The following WDR4 variants were observed in gnomAD, a reference collection of about 807,000 sequenced individuals.
WDR4 encodes the protein tRNA (guanine-N(7)-)-methyltransferase non-catalytic subunit WDR4.
In WDR4, 47 loss-of-function variants were observed where a neutral mutation model predicts 48.6. The observed-to-expected ratio is 0.97, with a 90% CI of 0.77 to 1.23. The LOEUF is 1.23. Among genes scored for constraint, WDR4 ranks in the 50% most tolerant of loss-of-function variants. The pLI, the probability that WDR4 is intolerant of heterozygous loss-of-function variation, is 0.00. For missense variants in WDR4, 606 were observed against 551.6 expected, an observed-to-expected ratio of 1.10 and a Z score of -0.99; for synonymous variants, 268 against 230.0, an observed-to-expected ratio of 1.17 and a Z score of -1.49.
At chr21:42,848,690 G>A (rs1426078160), downstream of WDR4, among the ~76,000 whole-genome samples, 17 of 102,718 alleles carry the variant, frequency 1.7e-4, no homozygotes, top group East Asian at 5.1e-3. Flanking sequence ...CACAGCGCAC[G>A]ATCACGCGGC....
chr21:42,850,311 C>T, intron 10 of WDR4, 69 bp from the exon 11 acceptor site: 1 of 1,429,084 alleles, frequency 7.0e-7, no homozygotes, highest in Non-Finnish European at 9.4e-7. Flanking sequence ...CACAGCGGGC[C>T]CCCTGCAGCA....
intron 1 of WDR4, among the ~76,000 whole-genome samples, chr21:42,877,103 C>T (rs1048699352): frequency 9.7e-5 from 13 of 133,500 alleles, no homozygotes; most frequent in African/African-American, 2.3e-4. Flanking sequence ...TGAGCCACTG[C>T]GCCTGGCCCA....
downstream of WDR4, among the ~76,000 whole-genome samples, chr21:42,847,005 T>C (rs2057716423): frequency 6.6e-6 from 1 of 150,534 alleles, no homozygotes; most frequent in African/African-American, 2.5e-5. Flanking sequence ...GCCACCGCAC[T>C]CCAGCCTGGG....
intron 3 of WDR4, among the ~76,000 whole-genome samples, chr21:42,869,009 C>CGGGGTGG (rs374464595): frequency 9.9e-5 from 15 of 152,074 alleles, no homozygotes; most frequent in African/African-American, 3.4e-4. Flanking sequence ...ACTGCCCTGG[C>CGGGGTGG]GGGGGGGAAC....
At chr21:42,879,039 G>A (rs1257298117) in intron 1 of WDR4, 1 of 1,061,498 alleles carries the variant, frequency 9.4e-7, no homozygotes, top group African/African-American at 1.7e-5. Context: ...GAGCGTGTTC[G>A]GCCGGGCCTT....
chr21:42,856,528 C>T (rs552786297), intron 6 of WDR4, among the ~76,000 whole-genome samples: 1 of 152,002 alleles, frequency 6.6e-6, no homozygotes, highest in African/African-American at 2.4e-5. Flanking sequence ...CCTCAGCCTC[C>T]GAGTAGCTGG....
rs377558941 is a variant in WDR4 at position 42,853,756 on chromosome 21, G to A, written c.792-4C>T. On this transcript the variant is annotated splice_polypyrimidine_tract_variant and splice_region_variant and intron_variant, in intron 8 of 10. Coordinates refer to ENST00000398208, the MANE Select transcript of WDR4 (RefSeq NM_018669.6). Reference sequence around the variant, plus strand: ...GAAGATGTAGACCACAGGAGTGCTTGCCACGAAGAAAGAGAGCATGATTAC... The same window carrying A: ...GAAGATGTAGACCACAGGAGTGCTTACCACGAAGAAAGAGAGCATGATTAC... 5.1e-5 allele frequency: 79 copies of A among 1,550,022 alleles called. No homozygotes were observed. In the African/African-American group the frequency reaches 1.0e-3, roughly 20 times the overall value.
chr21:42,879,076 G>A, intron 1 of WDR4: 1 of 1,136,820 alleles, frequency 8.8e-7, no homozygotes, highest in Non-Finnish European at 1.1e-6. Context: ...CGCCCCACGT[G>A]CTCTACCTAC....
Position 42,849,814 on chromosome 21 carries a change from C to T in WDR4, c.*235G>A, listed in dbSNP as rs1031174476. Reference sequence around the variant, plus strand: ...ACATGAAAAGAAAGTGCTTCAAGAGCTTCCACTCCACTGGTCTGGCTTCCC... The same window carrying T: ...ACATGAAAAGAAAGTGCTTCAAGAGTTTCCACTCCACTGGTCTGGCTTCCC... On this transcript the variant is annotated 3_prime_UTR_variant, in exon 11 of 11. Coordinates refer to ENST00000398208, the MANE Select transcript of WDR4 (RefSeq NM_018669.6). The T allele has an allele frequency of 2.0e-6, 1 of 492,648 alleles. No homozygotes were observed. Among genetic ancestry groups the T allele is most frequent in the East Asian group, 3.8e-5 (1 of 26,620 alleles). 30.5% of individuals were successfully genotyped at this position (492,648 alleles called of 1,614,324 possible). A position where few individuals can be genotyped will look rare whatever the true frequency, so the allele number is the denominator to read the frequency against.
chr21:42,855,753 T>C lies in WDR4; in HGVS notation c.655A>G (p.Arg219Gly), dbSNP rs749371315. The change falls in exon 7 of 11, where the codon AGG becomes GGG. Residue 219 changes from arginine to glycine, a missense_variant. Transcript: ENST00000398208. ...CAGCAGTGCAGCTGGCGGCCGCTCCTGTACTCCCAGAGCCTCAGGGTGCCG... is the reference window on the plus strand; with the variant it reads ...CAGCAGTGCAGCTGGCGGCCGCTCCCGTACTCCCAGAGCCTCAGGGTGCCG... ...GDGTLRLWEY[R>G]SGRQLHCCHL... is the part of the protein sequence containing the mutation. 13 of 1,552,882 alleles carry C rather than the reference T, an allele frequency of 8.4e-6. No individual in the cohort carries two copies. Among genetic ancestry groups the C allele is most frequent in the Middle Eastern group, 1.7e-4 (1 of 6,018 alleles).
chr21:42,879,948 G>A, upstream of WDR4: 1 of 397,182 alleles, frequency 2.5e-6, no homozygotes, highest in Non-Finnish European at 4.4e-6. Flanking sequence ...TGACCAATAT[G>A]GTGAAACCCC....
chr21:42,859,622 C>G (rs1284678498), intron 6 of WDR4, 40 bp downstream of exon 6: 6 of 1,294,544 alleles, frequency 4.6e-6, no homozygotes. Context: ...CCTGCAGGCT[C>G]AAGAATCCAG....
At chr21:42,849,223 A>G (rs940938317), downstream of WDR4, 2 of 152,658 alleles carry the variant, frequency 1.3e-5, no homozygotes, top group African/African-American at 4.8e-5. Flanking sequence ...CGCAGGCACC[A>G]AGGAGTTTTG....
intron 5 of WDR4, among the ~76,000 whole-genome samples, chr21:42,860,914 T>C (rs886165590): frequency 6.6e-6 from 1 of 152,110 alleles, no homozygotes; most frequent in African/African-American, 2.4e-5. Flanking sequence ...GATACTGCAA[T>C]GTCAGCAAAG....
At chr21:42,856,644 C>G (rs575575715) in intron 6 of WDR4, among the ~76,000 whole-genome samples, 1 of 152,266 alleles carries the variant, frequency 6.6e-6, no homozygotes, top group African/African-American at 2.4e-5. Flanking sequence ...GAGAGAGTGT[C>G]TGTGCACTAT....
At chr21:42,851,574 C>A (rs1259281524) in intron 10 of WDR4, among the ~76,000 whole-genome samples, 1 of 152,194 alleles carries the variant, frequency 6.6e-6, no homozygotes, top group African/African-American at 2.4e-5. Flanking sequence ...CTGGGCTAAT[C>A]CATCCTGCAG....
chr21:42,883,654 T>C (rs1248837408), upstream of WDR4: 1 of 153,686 alleles, frequency 6.5e-6, no homozygotes, highest in East Asian at 1.9e-4. Flanking sequence ...GAAACAGAGA[T>C]TGAAGTTATG....
chr21:42,857,116 A>G (rs968892923), intron 6 of WDR4, among the ~76,000 whole-genome samples: 1 of 152,064 alleles, frequency 6.6e-6, no homozygotes, highest in African/African-American at 2.4e-5. Flanking sequence ...ATGTCTTTAC[A>G]AAGAGAAACG....
At chr21:42,864,741 C>CT (rs1569327391) in intron 3 of WDR4, among the ~76,000 whole-genome samples, 1 of 152,224 alleles carries the variant, frequency 6.6e-6, no homozygotes, top group Non-Finnish European at 1.5e-5. Flanking sequence ...GGCTACACTA[C>CT]TTCCTGGGGC....
Sources: gnomAD v4.1 joint callset for allele counts (sites outside exome capture counted in the v4.1 genomes callset) on GRCh38, gnomAD v4.1.1 for gene constraint, MANE v1.5 for transcripts, NCBI Gene and HGNC (gene_info 2026-07-23, HGNC 2026-07-21) for gene names.